Variants in CTNNA2 observed in about 807,000 individuals in gnomAD.
CTNNA2 encodes catenin alpha-2.
A neutral mutation model predicts 101.0 loss-of-function variants in CTNNA2; 42 were observed. The ratio of observed to expected loss-of-function variants is 0.42; its 90% CI spans 0.32 to 0.54. The LOEUF (loss-of-function observed/expected upper bound fraction) is 0.54, where lower values mean the gene tolerates loss of function less well. Ranked by LOEUF, CTNNA2 falls within the 20% of genes least tolerant of loss-of-function variation. The pLI is 0.14. For missense variants in CTNNA2, 871 were observed against 1,223.1 expected (o/e 0.71, Z 4.29); for synonymous variants, 450 against 456.4 (o/e 0.99, Z 0.18).
chr2:79,722,639 C>A (rs1686563053), intron 2 of CTNNA2, among the ~76,000 whole-genome samples: 1 of 152,104 alleles, frequency 6.6e-6, no homozygotes, highest in Non-Finnish European at 1.5e-5. Context: ...CTCACTGGTT[C>A]AGATTTGTGT....
chr2:79,361,642 A>G (rs1489304735), intron 3 of CTNNA2, among the ~76,000 whole-genome samples: 2 of 152,184 alleles, frequency 1.3e-5, no homozygotes, highest in Non-Finnish European at 2.9e-5. Flanking sequence ...GGATATACAT[A>G]TAAAGGGGAG....
intron 7 of CTNNA2, among the ~76,000 whole-genome samples, chr2:79,921,206 A>G (rs1686629512): frequency 6.6e-6 from 1 of 152,210 alleles, no homozygotes; most frequent in Admixed American, 6.5e-5. Context: ...ACCCCAGCTG[A>G]TTCTTATGAG....
At chr2:80,406,116 G>A (rs564921887) in intron 8 of CTNNA2, among the ~76,000 whole-genome samples, 2 of 152,244 alleles carry the variant, frequency 1.3e-5, no homozygotes, top group South Asian at 2.1e-4. Context: ...CCAGCATTTT[G>A]GGAGGCCAAG....
rs554421551 is a variant in CTNNA2, at chr2:80,572,461, T to C, written c.1742-1702T>C. On this transcript the variant is annotated intron_variant, in intron 12 of 18. Transcript: ENST00000402739. ...CTGAAAGCTCCCTTGTAGTATTACA[T>C]AGAACTATAACATCACTGATGGTCA... Among the ~76,000 whole-genome samples, 4 of 152,334 alleles carry C rather than the reference T, an allele frequency of 2.6e-5. No individual in the cohort carries two copies. The East Asian group carries it at 7.7e-4, about 29-fold the overall frequency.
At chr2:79,349,384 T>G (rs1677333138) in intron 3 of CTNNA2, among the ~76,000 whole-genome samples, 1 of 152,204 alleles carries the variant, frequency 6.6e-6, no homozygotes, top group African/African-American at 2.4e-5. Flanking sequence ...TTTTCTTGGT[T>G]TCATCCCAGA....
In CTNNA2 at chr2:80,569,624, G is replaced by T. The variant is rs1473534730; in HGVS notation, c.1742-4539G>T. On this transcript the variant is annotated intron_variant, in intron 12 of 18. Coordinates refer to ENST00000402739, the MANE Select transcript of CTNNA2 (RefSeq NM_001282597.3). Reference sequence around the variant, plus strand: ...TTTTCTGTCTCAGTATTACTTTTGGGGTATTTAGGTTTTTTTTTTTTTTTT... The same window carrying T: ...TTTTCTGTCTCAGTATTACTTTTGGTGTATTTAGGTTTTTTTTTTTTTTTT... Among the ~76,000 whole-genome samples, 105 of 83,260 alleles carry T rather than the reference G, an allele frequency of 1.3e-3. 1 individual carries two copies. The highest frequency in any genetic ancestry group is 3.5e-3 in the African/African-American group (100 of 28,484). 54.6% of individuals were successfully genotyped at this position (83,260 alleles called of 152,430 possible).
At chr2:80,445,034 G>A (rs1682950142) in intron 9 of CTNNA2, among the ~76,000 whole-genome samples, 1 of 152,082 alleles carries the variant, frequency 6.6e-6, no homozygotes, top group Admixed American at 6.6e-5. Context: ...GTTCTCTTAA[G>A]TTCACAATTT....
intron 15 of CTNNA2, among the ~76,000 whole-genome samples, chr2:80,592,061 A>G (rs922857443): frequency 1.3e-5 from 2 of 152,190 alleles, no homozygotes; most frequent in South Asian, 2.1e-4. Context: ...AGATAGCAAC[A>G]GCTCAAGTTT....
At chr2:80,046,669 A>G (rs2104308027) in intron 7 of CTNNA2, among the ~76,000 whole-genome samples, 1 of 152,334 alleles carries the variant, frequency 6.6e-6, no homozygotes, top group South Asian at 2.1e-4. Context: ...GGAGTGCCTC[A>G]GCAACCAAGG....
At chr2:80,603,900 A>T (rs886401341) in intron 15 of CTNNA2, 174 bp from the exon 16 acceptor site, 1 of 522,784 alleles carries the variant, frequency 1.9e-6, no homozygotes, top group African/African-American at 1.9e-5. Flanking sequence ...AAATATTTCC[A>T]AAAACGACTA....
In CTNNA2 at chr2:80,302,728, C is replaced by T; in HGVS notation, c.1057-90483C>T. 1 of 1,613,054 alleles carries T rather than the reference C, an allele frequency of 6.2e-7. No individual in the cohort carries two copies. Among genetic ancestry groups the T allele is most frequent in the Non-Finnish European group, 8.5e-7 (1 of 1,179,878 alleles). On this transcript the variant is annotated intron_variant, in intron 7 of 18. Transcript: ENST00000402739. The surrounding 1 kb of genome is among the most constrained non-coding windows in gnomAD (Gnocchi z 6.4). ...GGCCGCTGGTGGGCTCGGCCCCATC[C>T]TCGCACAGGTGGAAGGCGTACACGG...
chr2:79,997,936 A>G (rs1015943286), intron 7 of CTNNA2, among the ~76,000 whole-genome samples: 1 of 152,032 alleles, frequency 6.6e-6, no homozygotes, highest in African/African-American at 2.4e-5. Context: ...TTTCCTGCTT[A>G]GAAAGAGAAG....
At chr2:79,708,557 C>A (rs755649864) in intron 2 of CTNNA2, among the ~76,000 whole-genome samples, 1 of 152,044 alleles carries the variant, frequency 6.6e-6, no homozygotes, top group Non-Finnish European at 1.5e-5. Context: ...TAAAAAACTA[C>A]GAAATGCTTT....
chr2:80,259,881 A>G (rs1573534524), intron 7 of CTNNA2, among the ~76,000 whole-genome samples: 1 of 152,168 alleles, frequency 6.6e-6, no homozygotes, highest in Non-Finnish European at 1.5e-5. Flanking sequence ...GGGAGCATTA[A>G]ATGAGATTGT....
At chr2:80,480,771 C>T (rs986789782) in intron 9 of CTNNA2, among the ~76,000 whole-genome samples, 4 of 152,086 alleles carry the variant, frequency 2.6e-5, no homozygotes, top group Admixed American at 6.6e-5. Context: ...CACTTATCAC[C>T]TCTATATGCT....
chr2:79,845,179 T>G (rs1310358540), intron 3 of CTNNA2, among the ~76,000 whole-genome samples: 1 of 148,634 alleles, frequency 6.7e-6, no homozygotes, highest in Non-Finnish European at 1.5e-5. Flanking sequence ...CTGCTTTTTT[T>G]TTTTTTTTTT....
intron 7 of CTNNA2, among the ~76,000 whole-genome samples, chr2:80,227,892 C>G (rs370816721): frequency 6.6e-6 from 1 of 151,940 alleles, no homozygotes; most frequent in South Asian, 2.1e-4. Context: ...AGAATAACCA[C>G]ATGCTTAAGT....
rs376228486 is a variant in CTNNA2 at position 80,062,822 on chromosome 2, T to C, written c.1056+153025T>C. On this transcript the variant is annotated intron_variant, in intron 7 of 18. Transcript: ENST00000402739. The stretch of plus-strand genomic sequence containing the variant: ...CCATGTTCACGCCATTCTCCTGCCT[T>C]AGCCTCCCGAGTAGCTGGGACTACA... Among the ~76,000 whole-genome samples, 585 of 151,558 alleles carry C rather than the reference T, an allele frequency of 3.9e-3. 5 individuals carry two copies. In the South Asian group the frequency reaches 0.041, roughly 11 times the overall value.
intron 6 of CTNNA2, among the ~76,000 whole-genome samples, chr2:79,886,430 G>A (rs915517996): frequency 6.6e-6 from 1 of 151,952 alleles, no homozygotes; most frequent in Non-Finnish European, 1.5e-5. Flanking sequence ...TCATGCTGAA[G>A]GCCTTAGGAA....
Sources: gnomAD v4.1 joint callset for allele counts (sites outside exome capture counted in the v4.1 genomes callset) on GRCh38, gnomAD v4.1.1 for gene constraint, Gnocchi (gnomAD v3.1) non-coding constraint, MANE v1.5 for transcripts, NCBI Gene and HGNC (gene_info 2026-07-23, HGNC 2026-07-21) for gene names.